MED28: variants seen among roughly 807,000 people sequenced by gnomAD.
The protein encoded by MED28 is mediator complex subunit 28, also known as mediator of RNA polymerase II transcription subunit 28.
Under a neutral mutation model 21.3 loss-of-function variants are expected in MED28, and 26 were observed. The ratio of observed to expected loss-of-function variants is 1.22; its 90% CI spans 0.89 to 1.69. The LOEUF is 1.69. Among genes scored for constraint, MED28 ranks in the 40% most tolerant of loss-of-function variants. The probability of loss-of-function intolerance (pLI) is 0.00; values close to 1 mark genes in which losing one functional copy is unlikely to be tolerated. For missense variants in MED28, 257 were observed against 215.4 expected, an observed-to-expected ratio of 1.19 and a Z score of -1.21; for synonymous variants, 110 against 87.6, an observed-to-expected ratio of 1.26 and a Z score of -1.43.
rs1373499738 is a variant in MED28 at position 17,621,636 on chromosome 4, A to G, written c.276A>G (p.Glu92=). 4 of 1,611,252 alleles carry G rather than the reference A, an allele frequency of 2.5e-6. No individual in the cohort carries two copies. The highest frequency in any genetic ancestry group is 1.3e-5 in the African/African-American group (1 of 74,966). ...TTCTGGATATTGCAAGACAGACAGA[A>G]TGTTTTTTCTTACAAAAAAGATTGC... ...QKFLDIARQT[E]CFFLQKRLQL... Residue 92 remains glutamate, a synonymous_variant, in exon 3 of 4, where the codon GAA becomes GAG. Coordinates refer to ENST00000237380, the MANE Select transcript of MED28 (RefSeq NM_025205.5).
At position 17,633,591 on chromosome 4, in the gene MED28, C is replaced by A; in HGVS notation, c.*9793C>A. ...TGTCTAATCATCCATGAAAAAAGGC[C>A]TTCTGGAATTTGGTACCAGGTGCTA... On this transcript the variant is annotated 3_prime_UTR_variant, in exon 4 of 4. Coordinates refer to ENST00000237380, the MANE Select transcript of MED28 (RefSeq NM_025205.5). The A allele has an allele frequency of 8.7e-7, 1 of 1,150,344 alleles. No homozygotes were observed. The highest frequency in any genetic ancestry group is 2.9e-5 in the East Asian group (1 of 34,254). 71.3% of individuals were successfully genotyped at this position (1,150,344 alleles called of 1,614,324 possible).
chr4:17,616,049 C>T (rs1251331756), intron 1 of MED28, among the ~76,000 whole-genome samples: 2 of 152,074 alleles, frequency 1.3e-5, no homozygotes, highest in Non-Finnish European at 2.9e-5. Context: ...CAACCTCCGC[C>T]TCCCGGGTTC....
chr4:17,632,109 C>G lies in MED28; in HGVS notation c.*8311C>G. 8.0e-6 allele frequency: 1 copy of G among 125,490 alleles called. No individual in the cohort carries two copies. The highest frequency in any genetic ancestry group is 1.6e-5 in the Non-Finnish European group (1 of 61,428). 7.8% of individuals were successfully genotyped at this position (125,490 alleles called of 1,614,324 possible). On this transcript the variant is annotated 3_prime_UTR_variant, in exon 4 of 4. Transcript: ENST00000237380. ...TTTTGGAGACAGGGTCTCCCTCTGT[C>G]ACCCAGGCTGGTTGGAATGCAGGAG...
In MED28 at chr4:17,629,240, AAC is replaced by A. The variant is rs898528201; in HGVS notation, c.*5448_*5449del. 12 of 151,942 alleles carry A rather than the reference AAC, an allele frequency of 7.9e-5. No individual in the cohort carries two copies. Among genetic ancestry groups the A allele is most frequent in the Non-Finnish European group, 8.8e-5 (6 of 68,176 alleles). 9.4% of individuals were successfully genotyped at this position (151,942 alleles called of 1,614,324 possible). ...AGAGCAAGACTCCGTCTCAAAAACA[AAC>A]ACACAGTACTGCATCCTGGGGGTGG... is the stretch of plus-strand genomic sequence containing the variant. On this transcript the variant is annotated 3_prime_UTR_variant, in exon 4 of 4. Transcript: ENST00000237380.
chr4:17,623,571 T>A (rs764824603), intron 3 of MED28, 30 bp from the exon 4 acceptor site: 2 of 1,608,104 alleles, frequency 1.2e-6, no homozygotes, highest in Non-Finnish European at 1.7e-6. Flanking sequence ...CTGCATTTGC[T>A]CTGACTTAGT....
chr4:17,632,330 C>G lies in MED28; in HGVS notation c.*8532C>G, dbSNP rs148198810. On this transcript the variant is annotated 3_prime_UTR_variant, in exon 4 of 4. Transcript: ENST00000237380. ...ACTCAAGCAGTCCATCTGCCTCAGC[C>G]TCCCAAAGTGATGGGATTACAGGCG... 108 of 394,852 alleles carry G rather than the reference C, an allele frequency of 2.7e-4. 1 individual carries two copies. The East Asian group carries it at 4.8e-3, about 17-fold the overall frequency. 24.5% of individuals were successfully genotyped at this position (394,852 alleles called of 1,614,324 possible). A position where few individuals can be genotyped will look rare whatever the true frequency, so the allele number is the denominator to read the frequency against.
chr4:17,621,443 A>G, intron 2 of MED28, 144 bp from the exon 3 acceptor site: 1 of 543,618 alleles, frequency 1.8e-6, no homozygotes, highest in Non-Finnish European at 3.2e-6. Flanking sequence ...GTTGGGGGTT[A>G]TGATTACTGC....
Position 17,621,695 on chromosome 4 carries a change from A to G in MED28, c.335A>G (p.Lys112Arg). 1 of 1,602,412 alleles carries G rather than the reference A, an allele frequency of 6.2e-7. No individual in the cohort carries two copies. Among genetic ancestry groups the G allele is most frequent in the Non-Finnish European group, 8.5e-7 (1 of 1,172,882 alleles). Reference sequence around the variant, plus strand: ...GTCCAGAAACCAGAGCAAGTTATCAAAGAGGTATGAACTCAGTTTTCTCCT... The same window carrying G: ...GTCCAGAAACCAGAGCAAGTTATCAGAGAGGTATGAACTCAGTTTTCTCCT... ...LSVQKPEQVI[K>R]EDVSELRNEL... Residue 112 changes from lysine to arginine, a missense_variant, in exon 3 of 4, where the codon AAA (lysine) becomes AGA (arginine). Physicochemically the swap from Lys to Arg is conservative, Grantham distance 26 (BLOSUM62 2). Transcript: ENST00000237380.
At chr4:17,615,027 G>T (rs1197647589) in intron 1 of MED28, among the ~76,000 whole-genome samples, 2 of 152,184 alleles carry the variant, frequency 1.3e-5, no homozygotes, top group African/African-American at 4.8e-5. Context: ...TTGTGGAAAC[G>T]TGAACCCGAA....
At position 17,633,632 on chromosome 4, in the gene MED28, C is replaced by G. The variant is rs1715031957; in HGVS notation, c.*9834C>G. The G allele has an allele frequency of 7.3e-7, 1 of 1,362,814 alleles. No homozygotes were observed. Among genetic ancestry groups the G allele is most frequent in the African/African-American group, 1.5e-5 (1 of 66,456 alleles). 84.4% of individuals were successfully genotyped at this position (1,362,814 alleles called of 1,614,324 possible). ...CCAGGTGCTAGAAAGAATCCTACTTCCCCTCTTATCTACAGGGAAATAGAA... is the reference window on the plus strand; with the variant it reads ...CCAGGTGCTAGAAAGAATCCTACTTGCCCTCTTATCTACAGGGAAATAGAA... On this transcript the variant is annotated 3_prime_UTR_variant, in exon 4 of 4. Coordinates refer to ENST00000237380, the MANE Select transcript of MED28 (RefSeq NM_025205.5).
rs769143476 is a variant in MED28, at chr4:17,631,230, T to C, written c.*7432T>C. 1 of 151,070 alleles carries C rather than the reference T, an allele frequency of 6.6e-6. No homozygotes were observed. The highest frequency in any genetic ancestry group is 2.1e-4 in the South Asian group (1 of 4,828). The allele number at this position is 151,070 out of a possible 1,614,324, so 9.4% of individuals were successfully genotyped here. ...GGGATATATATATATATTTTTTTAA[T>C]CTGTAGAGATGGGATCTCACTATCT... On this transcript the variant is annotated 3_prime_UTR_variant, in exon 4 of 4. Coordinates refer to ENST00000237380, the MANE Select transcript of MED28 (RefSeq NM_025205.5).
rs576083570 is a variant in MED28 at position 17,629,464 on chromosome 4, C to T, written c.*5666C>T. 1 of 152,298 alleles carries T rather than the reference C, an allele frequency of 6.6e-6. No homozygotes were observed. Among genetic ancestry groups the T allele is most frequent in the East Asian group, 1.9e-4 (1 of 5,184 alleles). 9.4% of individuals were successfully genotyped at this position (152,298 alleles called of 1,614,324 possible). ...ATCAGTGTTAGAGCAGTTAAGGGCT[C>T]AGGTATGTGGTGTGCAGCCATTGAC... On this transcript the variant is annotated 3_prime_UTR_variant, in exon 4 of 4. Transcript: ENST00000237380.
rs1407249638 is a variant in MED28, at chr4:17,623,776, C to G, written c.515C>G (p.Pro172Arg). ...AYLEQASANI[P>R]APLKPT is the part of the protein sequence containing the mutation. ...CTGGAGCAGGCATCTGCCAACATCC[C>G]TGCACCTCTGAAGCCAACGTGAGCA... The change falls in exon 4 of 4, where the codon CCT becomes CGT. Residue 172 changes from proline (P) to arginine (R), a missense_variant. Coordinates refer to ENST00000237380, the MANE Select transcript of MED28 (RefSeq NM_025205.5). 1 of 1,613,992 alleles carries G rather than the reference C, an allele frequency of 6.2e-7. No individual in the cohort carries two copies. Among genetic ancestry groups the G allele is most frequent in the South Asian group, 1.1e-5 (1 of 91,036 alleles).
rs1714994696 is a variant in MED28, at chr4:17,632,682, T to TA, written c.*8886dup. 1 of 1,134,438 alleles carries TA rather than the reference T, an allele frequency of 8.8e-7. No homozygotes were observed. The highest frequency in any genetic ancestry group is 1.3e-6 in the Non-Finnish European group (1 of 780,596). The allele number at this position is 1,134,438 out of a possible 1,614,324, so 70.3% of individuals were successfully genotyped here. ...TTTGAAAACTATGCAAGAAGCAGCT[T>TA]AATACCCACCATCTTTTCAGGGAAA... On this transcript the variant is annotated 3_prime_UTR_variant, in exon 4 of 4. Coordinates refer to ENST00000237380, the MANE Select transcript of MED28 (RefSeq NM_025205.5).
At chr4:17,616,263 A>G (rs1714449829) in intron 1 of MED28, among the ~76,000 whole-genome samples, 1 of 152,228 alleles carries the variant, frequency 6.6e-6, no homozygotes, top group Non-Finnish European at 1.5e-5. Context: ...CCAGAAATAA[A>G]TGATTTAAAG....
At position 17,625,844 on chromosome 4, in the gene MED28, G is replaced by C. The variant is rs918946186; in HGVS notation, c.*2046G>C. 45 of 286,162 alleles carry C rather than the reference G, an allele frequency of 1.6e-4. No homozygotes were observed. Among genetic ancestry groups the C allele is most frequent in the African/African-American group, 9.8e-4 (44 of 44,876 alleles). 17.7% of individuals were successfully genotyped at this position (286,162 alleles called of 1,614,324 possible). A position where few individuals can be genotyped will look rare whatever the true frequency, so the allele number is the denominator to read the frequency against. On this transcript the variant is annotated 3_prime_UTR_variant, in exon 4 of 4. Transcript: ENST00000237380. ...AGAGACTCCTGCTGTGATTGTCCAG[G>C]GGTACGTTCTGGTCTGGCTTGGTGC...
At chr4:17,616,608 T>C (rs1412477843) in intron 1 of MED28, among the ~76,000 whole-genome samples, 2 of 152,210 alleles carry the variant, frequency 1.3e-5, no homozygotes, top group Non-Finnish European at 2.9e-5. Flanking sequence ...GTGTACCATT[T>C]GTTTTCTCTT....
Position 17,623,993 on chromosome 4 carries a change from A to G in MED28, c.*195A>G, listed in dbSNP as rs1395146030. On this transcript the variant is annotated 3_prime_UTR_variant, in exon 4 of 4. Coordinates refer to ENST00000237380, the MANE Select transcript of MED28 (RefSeq NM_025205.5). Reference sequence around the variant, plus strand: ...CTTGAGTACTTTATAACATGTCTGTAGCTTGGATAAACCAAGTAAGTATTT... The same window carrying G: ...CTTGAGTACTTTATAACATGTCTGTGGCTTGGATAAACCAAGTAAGTATTT... The G allele has an allele frequency of 3.3e-6, 2 of 610,042 alleles. No individual in the cohort carries two copies. The highest frequency in any genetic ancestry group is 5.7e-6 in the Non-Finnish European group (2 of 348,078). 37.8% of individuals were successfully genotyped at this position (610,042 alleles called of 1,614,324 possible). A position where few individuals can be genotyped will look rare whatever the true frequency, so the allele number is the denominator to read the frequency against.
chr4:17,614,889 C>G, intron 1 of MED28, 76 bp downstream of exon 1: 14 of 1,475,802 alleles, frequency 9.5e-6, no homozygotes, highest in Non-Finnish European at 1.3e-5. Context: ...ACGCGTATCT[C>G]CTCCAGGGAT....
Sources: gnomAD v4.1 joint callset for allele counts (sites outside exome capture counted in the v4.1 genomes callset) on GRCh38, gnomAD v4.1.1 for gene constraint, MANE v1.5 for transcripts, NCBI Gene and HGNC (gene_info 2026-07-23, HGNC 2026-07-21) for gene names.